Variants in FAM193A observed in about 807,000 individuals in gnomAD.
FAM193A encodes the protein family with sequence similarity 193 member A, also known as protein FAM193A.
In FAM193A, 22 loss-of-function variants were observed where a neutral mutation model predicts 126.5. That is an observed-to-expected ratio of 0.17 (90% CI 0.12 to 0.25). The LOEUF is 0.25. Ranked by LOEUF, FAM193A falls within the 10% of genes least tolerant of loss-of-function variation. The pLI, the probability that FAM193A is intolerant of heterozygous loss-of-function variation, is 1.00. For synonymous variants in FAM193A, 761 were observed against 646.8 expected, an observed-to-expected ratio of 1.18 and a Z score of -2.68; for missense variants, 1,675 against 1,672.8, an observed-to-expected ratio of 1.00 and a Z score of -0.02.
intron 5 of FAM193A, among the ~76,000 whole-genome samples, chr4:2,633,346 C>T (rs1560502124): frequency 6.6e-6 from 1 of 151,912 alleles, no homozygotes; most frequent in Non-Finnish European, 1.5e-5. Flanking sequence ...TTGCATTGAG[C>T]CAAGATTGTG....
chr4:2,599,779 C>T (rs1264301129), intron 2 of FAM193A, among the ~76,000 whole-genome samples: 1 of 151,774 alleles, frequency 6.6e-6, no homozygotes, highest in Non-Finnish European at 1.5e-5. Context: ...CTCTGTTGCC[C>T]AGGCTGGAGT....
chr4:2,731,600 C>T (rs896052297), intron 20 of FAM193A, among the ~76,000 whole-genome samples, 175 bp from the exon 21 acceptor site: 4 of 152,038 alleles, frequency 2.6e-5, no homozygotes, highest in Non-Finnish European at 4.4e-5. Flanking sequence ...TTCTCAAGTG[C>T]AGCCTGTAGC....
At chr4:2,715,696 A>G (rs150792101) in intron 19 of FAM193A, among the ~76,000 whole-genome samples, 1 of 152,278 alleles carries the variant, frequency 6.6e-6, no homozygotes, top group East Asian at 1.9e-4. Flanking sequence ...ATTTCTGGGA[A>G]TCTTCTTGCT....
chr4:2,610,975 G>A (rs1383351849), intron 2 of FAM193A, among the ~76,000 whole-genome samples: 1 of 152,056 alleles, frequency 6.6e-6, no homozygotes, highest in East Asian at 1.9e-4. Context: ...AACCTCAGGT[G>A]ATCCACTCGC....
chr4:2,715,931 G>A, intron 19 of FAM193A, 92 bp from the exon 20 acceptor site: 1 of 818,584 alleles, frequency 1.2e-6, no homozygotes, highest in South Asian at 1.4e-5. Flanking sequence ...TTTTGAAGTT[G>A]TTTAAATTGA....
chr4:2,709,856 G>C (rs572281153), intron 19 of FAM193A, among the ~76,000 whole-genome samples: 1 of 152,246 alleles, frequency 6.6e-6, no homozygotes, highest in South Asian at 2.1e-4. Flanking sequence ...GTTTTCTGTG[G>C]TCCTTGCTAG....
chr4:2,593,071 C>T (rs1036287660), intron 1 of FAM193A, among the ~76,000 whole-genome samples: 2 of 152,068 alleles, frequency 1.3e-5, no homozygotes, highest in Non-Finnish European at 2.9e-5. Flanking sequence ...CCCAAACAAC[C>T]CTCCTATGGC....
At chr4:2,639,663 T>A in intron 5 of FAM193A, 72 bp from the exon 6 acceptor site, 2 of 1,285,562 alleles carry the variant, frequency 1.6e-6, no homozygotes, top group Non-Finnish European at 2.2e-6. Flanking sequence ...GGGGAGGGAA[T>A]CCCTCTGGGA....
chr4:2,713,459 A>C (rs1719217339), intron 19 of FAM193A, among the ~76,000 whole-genome samples: 1 of 152,106 alleles, frequency 6.6e-6, no homozygotes, highest in Admixed American at 6.5e-5. Context: ...TTCCTAGTGC[A>C]TTCCTATAGA....
chr4:2,576,331 C>A (rs1000738771), intron 1 of FAM193A, among the ~76,000 whole-genome samples: 1 of 152,094 alleles, frequency 6.6e-6, no homozygotes, highest in Non-Finnish European at 1.5e-5. Context: ...AACTCCTGAC[C>A]TCGTGATCCG....
intron 1 of FAM193A, among the ~76,000 whole-genome samples, chr4:2,588,557 C>T (rs1352483742): frequency 3.9e-5 from 6 of 152,110 alleles, no homozygotes; most frequent in Non-Finnish European, 8.8e-5. Flanking sequence ...ACCTCCCCAT[C>T]AGCAGAGGTG....
At position 2,693,886 on chromosome 4, in the gene FAM193A, C is replaced by G. The variant is rs776830944; in HGVS notation, c.3092+12C>G. The stretch of plus-strand genomic sequence containing the variant: ...CCAAGTGTCTGCAGGTGAGCCAAGT[C>G]CTGACTGGGGACGTGGGAGCACTTT... On this transcript the variant is annotated intron_variant, in intron 16 of 20. Transcript: ENST00000637812. 2 of 1,608,818 alleles carry G rather than the reference C, an allele frequency of 1.2e-6. No homozygotes were observed. Among genetic ancestry groups the G allele is most frequent in the Non-Finnish European group, 1.7e-6 (2 of 1,176,396 alleles).
chr4:2,684,792 C>G (rs556131558), intron 13 of FAM193A, among the ~76,000 whole-genome samples: 1 of 152,318 alleles, frequency 6.6e-6, no homozygotes, highest in East Asian at 1.9e-4. Context: ...CATCCTTTGC[C>G]TTTGTCGATA....
intron 4 of FAM193A, among the ~76,000 whole-genome samples, chr4:2,627,575 CTT>C (rs753783682): frequency 1.2e-3 from 79 of 63,942 alleles, no homozygotes; most frequent in Middle Eastern, 0.01. Flanking sequence ...ATTTGGGAGG[CTT>C]TTTTTTTTTT....
At chr4:2,666,297 C>T (rs976453910) in intron 12 of FAM193A, among the ~76,000 whole-genome samples, 24 of 152,006 alleles carry the variant, frequency 1.6e-4, no homozygotes, top group Admixed American at 3.9e-4. Context: ...TATTTTGTTA[C>T]CGTGGTGTGT....
chr4:2,652,565 G>C (rs911929709), intron 7 of FAM193A, among the ~76,000 whole-genome samples: 7 of 151,738 alleles, frequency 4.6e-5, no homozygotes, highest in Non-Finnish European at 1.0e-4. Context: ...GTAGGAGGAA[G>C]GGGGGTGGGG....
chr4:2,540,361 C>T (rs533217969), intron 1 of FAM193A, among the ~76,000 whole-genome samples: 15 of 151,642 alleles, frequency 9.9e-5, no homozygotes, highest in Admixed American at 9.2e-4. Flanking sequence ...CCAGCTACTC[C>T]GGAGGCTGAG....
chr4:2,614,737 C>G (rs1370620858), intron 2 of FAM193A, among the ~76,000 whole-genome samples: 48 of 152,200 alleles, frequency 3.2e-4, no homozygotes, highest in Admixed American at 3.1e-3. Flanking sequence ...CTGTCTTGGT[C>G]TGAAGTTGCC....
intron 12 of FAM193A, among the ~76,000 whole-genome samples, chr4:2,668,066 G>A (rs986886860): frequency 2.0e-5 from 3 of 151,766 alleles, no homozygotes; most frequent in Non-Finnish European, 2.9e-5. Flanking sequence ...CGCCATGACC[G>A]GCTAAGTTTT....
Sources: gnomAD v4.1 joint callset for allele counts (sites outside exome capture counted in the v4.1 genomes callset) on GRCh38, gnomAD v4.1.1 for gene constraint, MANE v1.5 for transcripts, NCBI Gene and HGNC (gene_info 2026-07-23, HGNC 2026-07-21) for gene names.